MTUS1: variants seen among roughly 807,000 people sequenced by gnomAD.
MTUS1 encodes microtubule associated scaffold protein 1, also known as microtubule-associated tumor suppressor 1.
A neutral mutation model predicts 120.8 loss-of-function variants in MTUS1; 109 were observed. That is an observed-to-expected ratio of 0.90 (90% confidence interval 0.77 to 1.06). The LOEUF is 1.06. MTUS1 is among the 50% of genes least tolerant of loss of function. The pLI, the probability that MTUS1 is intolerant of heterozygous loss-of-function variation, is 0.00. For missense variants in MTUS1, 2,210 were observed against 1,486.3 expected (o/e 1.49, Z -8.01); for synonymous variants, 737 against 550.5 (o/e 1.34, Z -4.74).
chr8:17,646,603 A>G (rs1805844029), intron 14 of MTUS1, among the ~76,000 whole-genome samples: 1 of 152,114 alleles, frequency 6.6e-6, no homozygotes, highest in African/African-American at 2.4e-5. Context: ...AATATATAAT[A>G]ATAACTGTAC....
chr8:17,712,172 T>C (rs1026577894), intron 6 of MTUS1, among the ~76,000 whole-genome samples: 3 of 152,238 alleles, frequency 2.0e-5, no homozygotes, highest in African/African-American at 4.8e-5. Flanking sequence ...GCACAGTATT[T>C]GCAAGGCTCC....
rs1554478228 is a variant in MTUS1, at chr8:17,679,356, C to CGCGTGT, written c.2839-4105_2839-4104insACACGC. Among the ~76,000 whole-genome samples the CGCGTGT allele has an allele frequency of 5.4e-4, 61 of 112,590 alleles. 1 individual carries two copies. The highest frequency in any genetic ancestry group is 4.3e-3 in the East Asian group (18 of 4,222). The allele number at this position is 112,590 out of a possible 152,430, so 73.9% of individuals were successfully genotyped here. On this transcript the variant is annotated intron_variant, in intron 7 of 14. Coordinates refer to ENST00000693296, the MANE Select transcript of MTUS1 (RefSeq NM_001363059.2). The stretch of plus-strand genomic sequence containing the variant: ...ATATACATATGCATGTGTGCGCGCG[C>CGCGTGT]GTGTGTGTGTGTGTGTGTGTGTATA...
At chr8:17,658,032 C>G (rs867847684) in intron 8 of MTUS1, among the ~76,000 whole-genome samples, 100 of 137,566 alleles carry the variant, frequency 7.3e-4, no homozygotes, top group African/African-American at 3.0e-3. Context: ...TAGACACACA[C>G]ACACACACAC....
At chr8:17,720,841 T>C (rs1226443600) in intron 4 of MTUS1, among the ~76,000 whole-genome samples, 1 of 152,228 alleles carries the variant, frequency 6.6e-6, no homozygotes, top group East Asian at 1.9e-4. Context: ...ATAGAAACCA[T>C]TGTGAAATGT....
chr8:17,756,554 T>A (rs2048623133), intron 1 of MTUS1, among the ~76,000 whole-genome samples: 1 of 151,810 alleles, frequency 6.6e-6, no homozygotes, highest in Non-Finnish European at 1.5e-5. Context: ...GAAAAAAAAA[T>A]TGTCGATTCT....
intron 1 of MTUS1, among the ~76,000 whole-genome samples, chr8:17,773,926 T>C (rs964376861): frequency 6.6e-6 from 1 of 152,078 alleles, no homozygotes; most frequent in East Asian, 1.9e-4. Flanking sequence ...CACAGCACAC[T>C]ATATAAAAAT....
intron 8 of MTUS1, among the ~76,000 whole-genome samples, chr8:17,663,393 G>A (rs565288184): frequency 6.6e-6 from 1 of 152,320 alleles, no homozygotes; most frequent in Admixed American, 6.5e-5. Flanking sequence ...CTTTTGAAAT[G>A]ATACAGTGCT....
intron 7 of MTUS1, chr8:17,676,521 A>C: frequency 3.4e-6 from 2 of 585,892 alleles, no homozygotes. Context: ...ACAGAAGCTG[A>C]TACTGCAGCT....
At chr8:17,740,393 A>G (rs2047224256) in intron 3 of MTUS1, among the ~76,000 whole-genome samples, 1 of 152,234 alleles carries the variant, frequency 6.6e-6, no homozygotes, top group South Asian at 2.1e-4. Context: ...TCTGCCGCTT[A>G]CCTTTCAGCA....
At chr8:17,760,473 T>G (rs947970417) in intron 1 of MTUS1, among the ~76,000 whole-genome samples, 14 of 152,196 alleles carry the variant, frequency 9.2e-5, no homozygotes, top group South Asian at 2.1e-4. Flanking sequence ...AAACAATGGC[T>G]TTAAGTCACC....
chr8:17,661,116 T>C (rs543890077), intron 8 of MTUS1, among the ~76,000 whole-genome samples: 2 of 152,314 alleles, frequency 1.3e-5, no homozygotes, highest in South Asian at 2.1e-4. Flanking sequence ...AGAAGTCCAA[T>C]GTTAGTCAAA....
At chr8:17,701,379 A>G (rs1025059853) in intron 6 of MTUS1, among the ~76,000 whole-genome samples, 4 of 152,204 alleles carry the variant, frequency 2.6e-5, no homozygotes, top group East Asian at 1.9e-4. Context: ...ACACAAAGCA[A>G]TTAGAAAAAC....
intron 1 of MTUS1, among the ~76,000 whole-genome samples, chr8:17,773,325 C>A (rs1169440487): frequency 1.3e-5 from 2 of 152,120 alleles, no homozygotes; most frequent in African/African-American, 4.8e-5. Context: ...GCTAGCCACA[C>A]TGTCATTAGA....
At position 17,698,721 on chromosome 8, in the gene MTUS1, C is replaced by T. The variant is rs540726296; in HGVS notation, c.2624-14179G>A. ...AGAAAATTTAAATAAGTTCTCTTCC[C>T]TCAAGCCCCCTCCCTCTTCACTCAA... On this transcript the variant is annotated intron_variant, in intron 6 of 14. Transcript: ENST00000693296. Among the ~76,000 whole-genome samples the T allele has an allele frequency of 6.9e-4, 105 of 152,082 alleles. 3 individuals carry two copies. The highest frequency in any genetic ancestry group is 3.4e-3 in the Middle Eastern group (1 of 294).
chr8:17,742,232 C>A (rs965238451), intron 3 of MTUS1, among the ~76,000 whole-genome samples: 2 of 151,150 alleles, frequency 1.3e-5, no homozygotes, highest in African/African-American at 2.4e-5. Context: ...CTGAGGAGCC[C>A]CTACAAGGGC....
intron 6 of MTUS1, among the ~76,000 whole-genome samples, chr8:17,712,842 A>G (rs1396266580): frequency 6.6e-6 from 1 of 152,210 alleles, no homozygotes; most frequent in Non-Finnish European, 1.5e-5. Context: ...ATAAAAATAT[A>G]GGCTGCTGAA....
chr8:17,777,405 C>T (rs2050533392), intron 1 of MTUS1, among the ~76,000 whole-genome samples: 1 of 150,890 alleles, frequency 6.6e-6, no homozygotes, highest in Non-Finnish European at 1.5e-5. Context: ...CACCACTGTA[C>T]TCCAGCTTGG....
chr8:17,780,672 C>A (rs961857396), intron 1 of MTUS1, among the ~76,000 whole-genome samples: 1 of 152,222 alleles, frequency 6.6e-6, no homozygotes, highest in Non-Finnish European at 1.5e-5. Context: ...CAAGCCACCA[C>A]TGTCTCTCTC....
At chr8:17,797,369 T>C (rs1325614775) in intron 1 of MTUS1, among the ~76,000 whole-genome samples, 1 of 152,148 alleles carries the variant, frequency 6.6e-6, no homozygotes. Flanking sequence ...GCTATGATCA[T>C]GCTACTGTAT....
Sources: gnomAD v4.1 joint callset for allele counts (sites outside exome capture counted in the v4.1 genomes callset) on GRCh38, gnomAD v4.1.1 for gene constraint, MANE v1.5 for transcripts, NCBI Gene and HGNC (gene_info 2026-07-23, HGNC 2026-07-21) for gene names.